Variants in CUEDC2 observed in about 807,000 individuals in gnomAD.
The protein encoded by CUEDC2 is CUE domain-containing protein 2.
A neutral mutation model predicts 36.0 loss-of-function variants in CUEDC2; 10 were observed. The observed-to-expected ratio is 0.28, with a 90% CI of 0.17 to 0.47. The LOEUF (loss-of-function observed/expected upper bound fraction) is 0.47. CUEDC2 is among the 20% of genes least tolerant of loss of function. The pLI is 0.99. For missense variants in CUEDC2, 269 were observed against 368.1 expected (o/e 0.73, Z 2.20); for synonymous variants, 133 against 141.8 (o/e 0.94, Z 0.44).
rs2061590285 is a variant in CUEDC2 at position 102,424,860 on chromosome 10, G to A, written c.75-68C>T. On this transcript the variant is annotated intron_variant, in intron 2 of 8. Transcript: ENST00000369937. This position sits in a 1 kb window ranked among gnomAD's most constrained non-coding sequence, Gnocchi z 4.2. Reference sequence around the variant, plus strand: ...TGCCTCCAGCACCCCCACCTATCCTGAGACTCCAGCCCTCAGCTTCATGGG... The same window carrying A: ...TGCCTCCAGCACCCCCACCTATCCTAAGACTCCAGCCCTCAGCTTCATGGG... 6.5e-7 allele frequency: 1 copy of A among 1,539,098 alleles called. No homozygotes were observed.
chr10:102,423,351 T>A lies in CUEDC2; in HGVS notation c.*75A>T. ...AGGGGGACAGGAGTTAGGGGGCCCC[T>A]GTGTAGGGGTATAGGGCTCCTGCAT... On this transcript the variant is annotated 3_prime_UTR_variant, in exon 9 of 9. Coordinates refer to ENST00000369937, the MANE Select transcript of CUEDC2 (RefSeq NM_024040.3). This position sits in a 1 kb window ranked among gnomAD's most constrained non-coding sequence, Gnocchi z 5.6. 6.3e-6 allele frequency: 10 copies of A among 1,581,192 alleles called. 1 individual carries two copies. The South Asian group carries it at 1.1e-4, about 18-fold the overall frequency.
intron 1 of CUEDC2, among the ~76,000 whole-genome samples, chr10:102,427,015 A>G (rs1264906780): frequency 6.6e-6 from 1 of 151,938 alleles, no homozygotes; most frequent in African/African-American, 2.4e-5. Context: ...TTTTAGTCTA[A>G]TTAGGTTGAA....
At position 102,424,705 on chromosome 10, in the gene CUEDC2, C is replaced by A. The variant is rs373065366; in HGVS notation, c.162G>T (p.Met54Ile). The A allele has an allele frequency of 1.2e-6, 2 of 1,614,042 alleles. No homozygotes were observed. Among genetic ancestry groups the A allele is most frequent in the African/African-American group, 2.7e-5 (2 of 74,910 alleles). ...PSGPSEENFD[M>I]EAFTEMMEAY... ...CCTCCATCATCTCAGTGAAAGCCTC[C>A]ATATCGAAGTTCTCCTCTGATGGGC... The change falls in exon 3 of 9, where the codon ATG becomes ATT. Residue 54 changes from methionine to isoleucine, a missense_variant. Transcript: ENST00000369937. The surrounding 1 kb of genome is among the most constrained non-coding windows in gnomAD (Gnocchi z 4.2).
rs1251858537 is a variant in CUEDC2, at chr10:102,424,479, G to T, written c.280+20C>A. 6.2e-7 allele frequency: 1 copy of T among 1,614,056 alleles called. No homozygotes were observed. The highest frequency in any genetic ancestry group is 2.2e-5 in the East Asian group (1 of 44,876). The stretch of plus-strand genomic sequence containing the variant: ...GAGCGGGATTATGAATCACTCAGGT[G>T]CCCAGAGCCCCAGACTCACCTTTGT... On this transcript the variant is annotated intron_variant, in intron 4 of 8. Coordinates refer to ENST00000369937, the MANE Select transcript of CUEDC2 (RefSeq NM_024040.3). This position sits in a 1 kb window ranked among gnomAD's most constrained non-coding sequence, Gnocchi z 4.2.
rs1565236314 is a variant in CUEDC2 at position 102,423,852 on chromosome 10, G to T, written c.602C>A (p.Pro201His). 1 of 1,613,248 alleles carries T rather than the reference G, an allele frequency of 6.2e-7. No homozygotes were observed. The highest frequency in any genetic ancestry group is 1.7e-5 in the Admixed American group (1 of 59,956). Residue 201 changes from proline (P) to histidine (H), a missense_variant, in exon 7 of 9, where the codon CCC becomes CAC. Coordinates refer to ENST00000369937, the MANE Select transcript of CUEDC2 (RefSeq NM_024040.3). The surrounding 1 kb of genome is among the most constrained non-coding windows in gnomAD (Gnocchi z 5.6). ...AAWEGPNQDL[P>H]RRLRGPQKDE... ...CTTTTGGGGGCCTCTGAGGCGTCTGGGCAGGTCCTGCAGAGAGGGGAGGCC... is the reference window on the plus strand; with the variant it reads ...CTTTTGGGGGCCTCTGAGGCGTCTGTGCAGGTCCTGCAGAGAGGGGAGGCC...
intron 1 of CUEDC2, among the ~76,000 whole-genome samples, chr10:102,427,409 G>A (rs1364447901): frequency 6.6e-6 from 1 of 152,060 alleles, no homozygotes; most frequent in Non-Finnish European, 1.5e-5. Context: ...CTCTAACACT[G>A]CCACGTGTAT....
intron 1 of CUEDC2, among the ~76,000 whole-genome samples, chr10:102,430,815 AAGT>A: frequency 6.6e-6 from 1 of 152,120 alleles, no homozygotes; most frequent in Non-Finnish European, 1.5e-5. Flanking sequence ...CTGGTTTCCT[AAGT>A]AGCACCTAAG....
In CUEDC2 at chr10:102,428,660, G is replaced by A. The variant is rs377478397; in HGVS notation, c.-10-3462C>T. Among the ~76,000 whole-genome samples, 116 of 152,184 alleles carry A rather than the reference G, an allele frequency of 7.6e-4. 2 individuals carry two copies. The highest frequency in any genetic ancestry group is 2.7e-3 in the African/African-American group (112 of 41,516). On this transcript the variant is annotated intron_variant, in intron 1 of 8. Coordinates refer to ENST00000369937, the MANE Select transcript of CUEDC2 (RefSeq NM_024040.3). ...GCACTTTGGGAGGCTGAGGCAAGAG[G>A]ATCGTTTGAGCTCAGGAGTTTAAGA...
chr10:102,432,253 A>G (rs1364309718), intron 1 of CUEDC2, among the ~76,000 whole-genome samples: 2 of 152,246 alleles, frequency 1.3e-5, no homozygotes, highest in African/African-American at 4.8e-5. Context: ...CCCCTGAAGC[A>G]GCAGCTCCCT....
chr10:102,429,084 C>T (rs941532737), intron 1 of CUEDC2, among the ~76,000 whole-genome samples: 6 of 152,012 alleles, frequency 3.9e-5, no homozygotes, highest in Non-Finnish European at 8.8e-5. Flanking sequence ...TCCCTTCTTC[C>T]TCAAGGGACA....
chr10:102,424,276 G>A lies in CUEDC2; in HGVS notation c.399C>T (p.Asp133=). Residue 133 remains aspartate, a synonymous_variant, in exon 5 of 9, where the codon GAC becomes GAT. Transcript: ENST00000369937. The surrounding 1 kb of genome is among the most constrained non-coding windows in gnomAD (Gnocchi z 4.2). ...ETRSSAAAAA[D]TQDEATGAEE... is the part of the protein sequence containing the mutation. Reference sequence around the variant, plus strand: ...CCTCTACCAGTACCTCATCTTGGGTGTCTGCAGCAGCAGCAGCCGAAGACC... The same window carrying A: ...CCTCTACCAGTACCTCATCTTGGGTATCTGCAGCAGCAGCAGCCGAAGACC... 6.2e-7 allele frequency: 1 copy of A among 1,613,772 alleles called. No homozygotes were observed.
At position 102,423,676 on chromosome 10, in the gene CUEDC2, C is replaced by T. The variant is rs1375308789; in HGVS notation, c.698G>A (p.Arg233Gln). ...TCTCACCTCCTTGGGAGCCATGGGC[C>T]GGTGAATCTTCTGATCCTCTGCGCT... ...VDSAEDQKIHRPMAPKEAPKK... is the reference protein window; with the variant it reads ...VDSAEDQKIHQPMAPKEAPKK... Residue 233 changes from arginine to glutamine, a missense_variant, in exon 8 of 9, where the codon CGG (arginine) becomes CAG (glutamine). Coordinates refer to ENST00000369937, the MANE Select transcript of CUEDC2 (RefSeq NM_024040.3). The surrounding 1 kb of genome is among the most constrained non-coding windows in gnomAD (Gnocchi z 5.6). 6 of 1,614,072 alleles carry T rather than the reference C, an allele frequency of 3.7e-6. No individual in the cohort carries two copies. Among genetic ancestry groups the T allele is most frequent in the South Asian group, 1.1e-5 (1 of 91,092 alleles).
chr10:102,430,983 C>T (rs2061614839), intron 1 of CUEDC2, among the ~76,000 whole-genome samples: 1 of 152,202 alleles, frequency 6.6e-6, no homozygotes, highest in Non-Finnish European at 1.5e-5. Context: ...GTCATGAGTC[C>T]TGCCTAAATG....
Position 102,423,551 on chromosome 10 carries a change from A to G in CUEDC2, c.739T>C (p.Tyr247His). Reference protein sequence around the residue: ...PKEAPKKLIRYIDNQVVSTKG... With the variant: ...PKEAPKKLIRHIDNQVVSTKG... ...GTGCTCACTACCTGGTTGTCGATGT[A>G]TCGGATCAGCTTCTTGGGGGCCTGT... is the stretch of plus-strand genomic sequence containing the variant. The change falls in exon 9 of 9, where the codon TAC (tyrosine) becomes CAC (histidine). Residue 247 changes from tyrosine (Y) to histidine (H), a missense_variant. Tyr to His is a moderately conservative substitution (Grantham distance 83). Coordinates refer to ENST00000369937, the MANE Select transcript of CUEDC2 (RefSeq NM_024040.3). This position sits in a 1 kb window ranked among gnomAD's most constrained non-coding sequence, Gnocchi z 5.6. The G allele has an allele frequency of 1.2e-6, 2 of 1,614,202 alleles. No individual in the cohort carries two copies. Among genetic ancestry groups the G allele is most frequent in the Non-Finnish European group, 1.7e-6 (2 of 1,180,024 alleles).
intron 1 of CUEDC2, among the ~76,000 whole-genome samples, chr10:102,430,943 A>G (rs140083599): frequency 6.6e-6 from 1 of 152,304 alleles, no homozygotes; most frequent in African/African-American, 2.4e-5. Context: ...TCATTGGTTG[A>G]TGGTGTCTAC....
Position 102,423,771 on chromosome 10 carries a change from G to A in CUEDC2, c.656+27C>T. ...TGTCACCCTGGGAAGACCCTCTAGG[G>A]CCCAGCCCAGCCCAGCCCAGACTCA... On this transcript the variant is annotated intron_variant, in intron 7 of 8. Transcript: ENST00000369937. This position sits in a 1 kb window ranked among gnomAD's most constrained non-coding sequence, Gnocchi z 5.6. The A allele has an allele frequency of 6.2e-7, 1 of 1,613,296 alleles. No homozygotes were observed. Among genetic ancestry groups the A allele is most frequent in the Non-Finnish European group, 8.5e-7 (1 of 1,179,674 alleles).
Position 102,423,932 on chromosome 10 carries a change from G to T in CUEDC2, c.594+64C>A. The T allele has an allele frequency of 3.1e-6, 5 of 1,601,924 alleles. No homozygotes were observed. The highest frequency in any genetic ancestry group is 4.3e-6 in the Non-Finnish European group (5 of 1,173,592). On this transcript the variant is annotated intron_variant, in intron 6 of 8. Transcript: ENST00000369937. This position sits in a 1 kb window ranked among gnomAD's most constrained non-coding sequence, Gnocchi z 5.6. ...AAACAGATGGGGATAGGTAGGGGTT[G>T]GGGCTTAACACCAAGGTGGAATGTA...
chr10:102,425,904 G>C (rs1297632818), intron 1 of CUEDC2, among the ~76,000 whole-genome samples: 1 of 151,982 alleles, frequency 6.6e-6, no homozygotes, highest in Admixed American at 6.6e-5. Context: ...GACTTGCTGA[G>C]CTTCCTCCTG....
At chr10:102,430,299 A>G (rs2135473600) in intron 1 of CUEDC2, among the ~76,000 whole-genome samples, 1 of 151,736 alleles carries the variant, frequency 6.6e-6, no homozygotes, top group East Asian at 2.0e-4. Flanking sequence ...CCTCCTGAGT[A>G]GCTGGGATTA....
Sources: allele counts gnomAD v4.1 joint callset (sites outside exome capture counted in the v4.1 genomes callset), GRCh38; gene constraint gnomAD v4.1.1; non-coding constraint Gnocchi (gnomAD v3.1); transcripts MANE v1.5; gene names NCBI Gene and HGNC (gene_info 2026-07-23, HGNC 2026-07-21).